The following ACO1 variants were observed in gnomAD, a reference collection of about 807,000 sequenced individuals.
ACO1 encodes aconitase 1, also known as cytoplasmic aconitate hydratase.
In ACO1, 78 loss-of-function variants were observed where a neutral mutation model predicts 105.1. The observed-to-expected ratio is 0.74, with a 90% CI of 0.62 to 0.90. ACO1 has a LOEUF of 0.90. ACO1 is among the 40% of genes least tolerant of loss of function. The pLI is 0.00. For missense variants in ACO1, 965 were observed against 1,111.1 expected, an observed-to-expected ratio of 0.87 and a Z score of 1.87; for synonymous variants, 364 against 397.4, an observed-to-expected ratio of 0.92 and a Z score of 1.00.
intron 19 of ACO1, among the ~76,000 whole-genome samples, chr9:32,448,304 TAA>T (rs1822667808): frequency 6.6e-6 from 1 of 152,168 alleles, no homozygotes; most frequent in Non-Finnish European, 1.5e-5. Context: ...CCACCCAGTT[TAA>T]GACTTTGTTT....
chr9:32,421,356 G>C (rs1460645038), intron 8 of ACO1, among the ~76,000 whole-genome samples: 3 of 152,178 alleles, frequency 2.0e-5, no homozygotes, highest in Admixed American at 6.5e-5. Context: ...CAGGTACCTA[G>C]TATGTATTTG....
chr9:32,399,964 C>CTTTTTTTTT (rs1300474052), intron 1 of ACO1, among the ~76,000 whole-genome samples: 1 of 42,420 alleles, frequency 2.4e-5, no homozygotes, highest in Non-Finnish European at 4.9e-5. Flanking sequence ...TTTTCTTTTT[C>CTTTTTTTTT]TGTTTTTTTT....
At position 32,407,440 on chromosome 9, in the gene ACO1, T is replaced by C. The variant is rs1791585713; in HGVS notation, c.266+11T>C. Reference sequence around the variant, plus strand: ...CCTGCAGGACTTTACGTGAGCCTAATGTCACTTCACTCTCCTTTGCCTCCC... The same window carrying C: ...CCTGCAGGACTTTACGTGAGCCTAACGTCACTTCACTCTCCTTTGCCTCCC... On this transcript the variant is annotated intron_variant, in intron 3 of 20. Coordinates refer to ENST00000309951, the MANE Select transcript of ACO1 (RefSeq NM_002197.3). 3 of 1,608,004 alleles carry C rather than the reference T, an allele frequency of 1.9e-6. No homozygotes were observed. Among genetic ancestry groups the C allele is most frequent in the Non-Finnish European group, 1.7e-6 (2 of 1,175,370 alleles).
At chr9:32,448,368 C>T (rs1209047899) in intron 19 of ACO1, among the ~76,000 whole-genome samples, 1 of 152,230 alleles carries the variant, frequency 6.6e-6, no homozygotes, top group Admixed American at 6.5e-5. Context: ...GCCGATGCCC[C>T]TCTGCCCACC....
intron 9 of ACO1, among the ~76,000 whole-genome samples, chr9:32,424,004 A>T (rs1285249245): frequency 6.6e-6 from 1 of 152,214 alleles, no homozygotes; most frequent in African/African-American, 2.4e-5. Flanking sequence ...AGGTACAAAC[A>T]TGTCAGTAAA....
At chr9:32,434,411 T>C in intron 16 of ACO1, 148 bp from the exon 17 acceptor site, 1 of 918,756 alleles carries the variant, frequency 1.1e-6, no homozygotes. Context: ...CTTGGCCTCT[T>C]TGATAAAAAC....
intron 19 of ACO1, among the ~76,000 whole-genome samples, chr9:32,446,589 A>G (rs1316830997): frequency 1.3e-5 from 2 of 152,188 alleles, no homozygotes; most frequent in East Asian, 1.9e-4. Flanking sequence ...ATTTACATTT[A>G]AGGTTAATAC....
chr9:32,427,461 C>G, intron 12 of ACO1, 25 bp downstream of exon 12: 1 of 1,613,852 alleles, frequency 6.2e-7, no homozygotes, highest in Middle Eastern at 1.7e-4. Flanking sequence ...TCTTTTGCAC[C>G]ATTGCTTTTG....
At chr9:32,390,017 C>G (rs1186444656) in intron 1 of ACO1, among the ~76,000 whole-genome samples, 1 of 152,100 alleles carries the variant, frequency 6.6e-6, no homozygotes, top group African/African-American at 2.4e-5. Context: ...AGGTTGGTCT[C>G]GAATTCCTTA....
chr9:32,434,749 G>A (rs769922511), intron 17 of ACO1, 48 bp downstream of exon 17: 16 of 1,603,660 alleles, frequency 1.0e-5, no homozygotes, highest in Non-Finnish European at 1.4e-5. Flanking sequence ...ATGGAGGAAT[G>A]GAGTTAATGA....
intron 19 of ACO1, 29 bp from the exon 20 acceptor site, chr9:32,448,867 A>G: frequency 1.2e-6 from 2 of 1,613,484 alleles, no homozygotes; most frequent in South Asian, 2.2e-5. Flanking sequence ...GATTGGAAGT[A>G]TGTCTAAACT....
chr9:32,431,943 T>C (rs980062247), intron 15 of ACO1, 100 bp downstream of exon 15: 3 of 1,330,882 alleles, frequency 2.3e-6, no homozygotes, highest in Non-Finnish European at 3.0e-6. Flanking sequence ...AAGTATAAAC[T>C]ATATAAAGTA....
At chr9:32,425,004 C>T (rs771786817) in intron 10 of ACO1, among the ~76,000 whole-genome samples, 4 of 152,238 alleles carry the variant, frequency 2.6e-5, no homozygotes, top group African/African-American at 4.8e-5. Context: ...TTACTCTGTT[C>T]TGTGAACTCC....
chr9:32,430,028 C>G (rs1822190671), intron 13 of ACO1, among the ~76,000 whole-genome samples: 1 of 152,204 alleles, frequency 6.6e-6, no homozygotes, highest in South Asian at 2.1e-4. Flanking sequence ...AATGCTGAAC[C>G]TTGAAAGATA....
intron 15 of ACO1, among the ~76,000 whole-genome samples, 163 bp downstream of exon 15, chr9:32,432,006 G>T (rs901419975): frequency 6.6e-6 from 1 of 152,024 alleles, no homozygotes; most frequent in Admixed American, 6.6e-5. Context: ...TTTTTCTCCT[G>T]TGACTCGCAT....
intron 17 of ACO1, among the ~76,000 whole-genome samples, chr9:32,435,611 T>C (rs1230534642): frequency 2.0e-5 from 3 of 152,212 alleles, no homozygotes; most frequent in African/African-American, 7.2e-5. Flanking sequence ...GTATGTTTCC[T>C]GACACTGCAA....
Position 32,418,418 on chromosome 9 carries a change from G to A in ACO1, c.565G>A (p.Val189Ile). ...GAATTTGGAATATTTGGCAAGAGTG[G>A]TATTTGATCAGGATGGATATTATTA... ...QVNLEYLARVVFDQDGYYYPD... is the reference protein window; with the variant it reads ...QVNLEYLARVIFDQDGYYYPD... Residue 189 changes from valine to isoleucine, a missense_variant, in exon 6 of 21, where the codon GTA becomes ATA. Val to Ile is a conservative substitution (Grantham distance 29). Transcript: ENST00000309951. 1 of 1,614,194 alleles carries A rather than the reference G, an allele frequency of 6.2e-7. No individual in the cohort carries two copies. The highest frequency in any genetic ancestry group is 1.7e-5 in the Admixed American group (1 of 60,024).
chr9:32,400,123 AC>A (rs1202506137), intron 1 of ACO1, among the ~76,000 whole-genome samples: 1 of 151,818 alleles, frequency 6.6e-6, no homozygotes, highest in Non-Finnish European at 1.5e-5. Context: ...GGTGTGTGCC[AC>A]CATGCCCGGC....
At chr9:32,430,226 C>T (rs762675023) in intron 13 of ACO1, among the ~76,000 whole-genome samples, 192 bp from the exon 14 acceptor site, 4 of 152,182 alleles carry the variant, frequency 2.6e-5, no homozygotes, top group Non-Finnish European at 4.4e-5. Flanking sequence ...CATGTCTCTG[C>T]TTCCTTTGAC....
Sources: gnomAD v4.1 joint callset for allele counts (sites outside exome capture counted in the v4.1 genomes callset) on GRCh38, gnomAD v4.1.1 for gene constraint, MANE v1.5 for transcripts, NCBI Gene and HGNC (gene_info 2026-07-23, HGNC 2026-07-21) for gene names.